OPCML: variants seen among roughly 807,000 people sequenced by gnomAD.
OPCML encodes opioid binding protein/cell adhesion molecule like.
OPCML carries 13 observed loss-of-function variants against 37.8 expected under a neutral mutation model. That is an observed-to-expected ratio of 0.34 (90% CI 0.22 to 0.55). The LOEUF is 0.55. Among genes scored for constraint, OPCML ranks in the 20% least tolerant of loss-of-function variants. The pLI, the probability that OPCML is intolerant of heterozygous loss-of-function variation, is 0.91. For synonymous variants in OPCML, 176 were observed against 168.8 expected, an observed-to-expected ratio of 1.04 and a Z score of -0.33; for missense variants, 341 against 435.6, an observed-to-expected ratio of 0.78 and a Z score of 1.93.
At chr11:133,218,119 G>A (rs1939665471) in intron 1 of OPCML, among the ~76,000 whole-genome samples, 1 of 151,654 alleles carries the variant, frequency 6.6e-6, no homozygotes, top group South Asian at 2.1e-4. Flanking sequence ...TGTGTAACTA[G>A]GGTGGGAATG....
At chr11:132,828,414 A>G (rs925077535) in intron 2 of OPCML, among the ~76,000 whole-genome samples, 9 of 152,168 alleles carry the variant, frequency 5.9e-5, no homozygotes, top group South Asian at 2.1e-4. Flanking sequence ...TGATGTGCCA[A>G]TGTTGGTTTA....
At chr11:133,160,157 TG>T in intron 1 of OPCML, among the ~76,000 whole-genome samples, 1 of 152,236 alleles carries the variant, frequency 6.6e-6, no homozygotes, top group Non-Finnish European at 1.5e-5. Context: ...ATGTGCAATG[TG>T]TAGACACAAA....
intron 3 of OPCML, among the ~76,000 whole-genome samples, chr11:132,539,792 G>T (rs1216166486): frequency 6.6e-6 from 1 of 152,050 alleles, no homozygotes; most frequent in East Asian, 1.9e-4. Context: ...CAATAGTAAT[G>T]ACGGTAATGA....
chr11:132,625,265 A>T (rs1239006887), intron 3 of OPCML, among the ~76,000 whole-genome samples: 1 of 152,086 alleles, frequency 6.6e-6, no homozygotes, highest in Non-Finnish European at 1.5e-5. Flanking sequence ...AGATCAGGTT[A>T]AGTTACATGA....
intron 1 of OPCML, among the ~76,000 whole-genome samples, chr11:133,136,920 ATAT>A (rs1181568600): frequency 6.6e-6 from 1 of 150,518 alleles, no homozygotes; most frequent in Non-Finnish European, 1.5e-5. Flanking sequence ...ATTTTAGGGA[ATAT>A]TATTTTTCTA....
At chr11:132,437,083 G>A (rs1365148533) in intron 5 of OPCML, 139 bp downstream of exon 5, 1 of 1,404,520 alleles carries the variant, frequency 7.1e-7, no homozygotes, top group Non-Finnish European at 9.6e-7. Context: ...AGGCCATGGT[G>A]GGCAAAGCCA....
At chr11:133,311,612 G>C (rs556060709) in intron 1 of OPCML, among the ~76,000 whole-genome samples, 1 of 152,274 alleles carries the variant, frequency 6.6e-6, no homozygotes, top group South Asian at 2.1e-4. Context: ...GATTCAGAGG[G>C]ATCAAGAAAG....
At chr11:133,203,884 C>T (rs553502613) in intron 1 of OPCML, among the ~76,000 whole-genome samples, 3 of 151,806 alleles carry the variant, frequency 2.0e-5, no homozygotes, top group Admixed American at 1.3e-4. Flanking sequence ...CGGTGAAACC[C>T]CATCTCTACT....
chr11:132,595,576 G>A (rs2096491204), intron 3 of OPCML, among the ~76,000 whole-genome samples: 4 of 152,180 alleles, frequency 2.6e-5, no homozygotes, highest in Admixed American at 2.6e-4. Flanking sequence ...GCACTGGAAA[G>A]GTAAAGGCAT....
intron 3 of OPCML, among the ~76,000 whole-genome samples, chr11:132,630,740 A>C (rs1318420282): frequency 2.6e-5 from 4 of 152,152 alleles, no homozygotes; most frequent in African/African-American, 9.7e-5. Context: ...TTCACCATCT[A>C]TCTCTACCAT....
intron 1 of OPCML, among the ~76,000 whole-genome samples, chr11:133,344,486 C>T (rs1357729547): frequency 6.6e-6 from 1 of 152,076 alleles, no homozygotes. Flanking sequence ...TTCTGACATT[C>T]AAGACACTCC....
At chr11:133,091,943 T>A (rs745324539) in intron 1 of OPCML, among the ~76,000 whole-genome samples, 1 of 152,140 alleles carries the variant, frequency 6.6e-6, no homozygotes, top group Non-Finnish European at 1.5e-5. Context: ...GGGGTGGAAT[T>A]TTATAGTCTG....
intron 2 of OPCML, among the ~76,000 whole-genome samples, chr11:132,692,232 G>GAA (rs5795797): frequency 1.6e-4 from 24 of 148,146 alleles, no homozygotes; most frequent in South Asian, 1.3e-3. Context: ...GATGCTACAG[G>GAA]AAAAAAAAAA....
chr11:133,181,854 T>C (rs1450330528), intron 1 of OPCML, among the ~76,000 whole-genome samples: 1 of 152,174 alleles, frequency 6.6e-6, no homozygotes, highest in Non-Finnish European at 1.5e-5. Flanking sequence ...ACAGAGTAAT[T>C]GGAAGGCAGC....
chr11:132,840,884 C>G (rs913458839), intron 2 of OPCML, among the ~76,000 whole-genome samples: 1 of 151,924 alleles, frequency 6.6e-6, no homozygotes, highest in Non-Finnish European at 1.5e-5. Flanking sequence ...AAGGGAAGAA[C>G]GTAGTGAGAG....
chr11:132,718,596 G>A (rs144439259), intron 2 of OPCML, among the ~76,000 whole-genome samples: 285 of 152,258 alleles, frequency 1.9e-3, no homozygotes, highest in Non-Finnish European at 3.4e-3. Flanking sequence ...TGCACAAGGC[G>A]CTGGCTGACG....
chr11:133,353,555 G>C (rs1592226393), intron 1 of OPCML, among the ~76,000 whole-genome samples: 1 of 152,170 alleles, frequency 6.6e-6, no homozygotes, highest in Non-Finnish European at 1.5e-5. Flanking sequence ...GTTGATGGGG[G>C]CCACAGAAAC....
At chr11:133,467,021 C>G (rs1016181025) in intron 1 of OPCML, among the ~76,000 whole-genome samples, 3 of 151,902 alleles carry the variant, frequency 2.0e-5, no homozygotes, top group Admixed American at 6.6e-5. Context: ...CAAAAAAGTT[C>G]ATTTAAGAAA....
At chr11:133,140,871 C>CGACGAA (rs1565468276) in intron 1 of OPCML, among the ~76,000 whole-genome samples, 2 of 40,148 alleles carry the variant, frequency 5.0e-5, no homozygotes, top group African/African-American at 1.3e-4. Context: ...ACGACGACGA[C>CGACGAA]GAAGAAGACG....
Sources: allele counts gnomAD v4.1 joint callset (sites outside exome capture counted in the v4.1 genomes callset), GRCh38; gene constraint gnomAD v4.1.1; transcripts MANE v1.5; gene names NCBI Gene and HGNC (gene_info 2026-07-23, HGNC 2026-07-21).